The following PLAGL1 variants were observed in gnomAD, a reference collection of about 807,000 sequenced individuals.
PLAGL1 encodes zinc finger protein PLAGL1.
A neutral mutation model predicts 4.6 loss-of-function variants in PLAGL1; 1 was observed. The ratio of observed to expected loss-of-function variants is 0.22; its 90% CI spans 0.08 to 1.03. PLAGL1 has a LOEUF of 1.03. Among genes scored for constraint, PLAGL1 ranks in the 50% least tolerant of loss-of-function variants. The probability of loss-of-function intolerance (pLI) is 0.58; values close to 1 mark genes in which losing one functional copy is unlikely to be tolerated. For synonymous variants in PLAGL1, 240 were observed against 237.8 expected (o/e 1.01, Z -0.08); for missense variants, 464 against 570.4 (o/e 0.81, Z 1.90).
Position 144,063,445 on chromosome 6 carries a change from C to T in PLAGL1, c.-151+1023G>A, listed in dbSNP as rs569183628. Among the ~76,000 whole-genome samples, 2 of 152,304 alleles carry T rather than the reference C, an allele frequency of 1.3e-5. No homozygotes were observed. The highest frequency in any genetic ancestry group is 4.8e-5 in the African/African-American group (2 of 41,570). On this transcript the variant is annotated intron_variant, in intron 1 of 3. Transcript: ENST00000437412. The surrounding 1 kb of genome is among the most constrained non-coding windows in gnomAD (Gnocchi z 5.7). ...TATCCCCTCACGTGATTCAGGACAT[C>T]TGGGGTGGGCCCAATAGGTGTGTTC...
intron 1 of PLAGL1, among the ~76,000 whole-genome samples, chr6:144,043,646 G>T (rs1482277066): frequency 1.3e-4 from 20 of 151,478 alleles, no homozygotes; most frequent in Middle Eastern, 3.4e-3. Flanking sequence ...CTTTTTTTTT[G>T]TTGTGTCTCT....
chr6:144,039,669 TA>T lies in PLAGL1; in HGVS notation c.-151+24798del, dbSNP rs1184244792. ...GACAAGGAGAGATTTACACTTCTGA[TA>T]GGGGTATTAAATAGCACAACCACTT... On this transcript the variant is annotated intron_variant, in intron 1 of 3. Coordinates refer to the PLAGL1 transcript ENST00000437412. This position sits in a 1 kb window ranked among gnomAD's most constrained non-coding sequence, Gnocchi z 4.1. Among the ~76,000 whole-genome samples the T allele has an allele frequency of 6.6e-6, 1 of 152,152 alleles. No homozygotes were observed. Among genetic ancestry groups the T allele is most frequent in the Non-Finnish European group, 1.5e-5 (1 of 68,008 alleles).
chr6:143,987,437 C>CTGTTTT (rs556596504), intron 1 of PLAGL1, among the ~76,000 whole-genome samples: 28 of 73,952 alleles, frequency 3.8e-4, no homozygotes, highest in South Asian at 3.4e-3. Flanking sequence ...ACCACACTGG[C>CTGTTTT]TTTTTTTTTT....
Position 143,997,575 on chromosome 6 carries a change from G to A in PLAGL1, c.-584+10515C>T, listed in dbSNP as rs1005130048. On this transcript the variant is annotated intron_variant, in intron 1 of 7. Coordinates refer to ENST00000674357, the MANE Select transcript of PLAGL1 (RefSeq NM_001317162.2). The surrounding 1 kb of genome is among the most constrained non-coding windows in gnomAD (Gnocchi z 4.6). ...AATTCAAGAATAGACAAAACAGGGA[G>A]GCTCAGGTGGGAGGATCGCTTGAGC... Among the ~76,000 whole-genome samples, 1 of 152,172 alleles carries A rather than the reference G, an allele frequency of 6.6e-6. No homozygotes were observed. The highest frequency in any genetic ancestry group is 6.5e-5 in the Admixed American group (1 of 15,276).
intron 2 of PLAGL1, among the ~76,000 whole-genome samples, chr6:143,976,285 C>CTT (rs58569870): frequency 0.15 from 17,056 of 112,992 alleles, 1,699 homozygotes; most frequent in East Asian, 0.29. Flanking sequence ...GATTTCTTTT[C>CTT]TTTTTTTTTT....
At chr6:143,946,721 A>G (rs1176737162) in intron 7 of PLAGL1, among the ~76,000 whole-genome samples, 1 of 152,246 alleles carries the variant, frequency 6.6e-6, no homozygotes, top group Non-Finnish European at 1.5e-5. Context: ...CAGATGGAAA[A>G]TCTCACTTGC....
At chr6:144,018,915 T>C (rs909918560) in intron 1 of PLAGL1, among the ~76,000 whole-genome samples, 1 of 152,148 alleles carries the variant, frequency 6.6e-6, no homozygotes, top group African/African-American at 2.4e-5. Flanking sequence ...ATGCCTGTAA[T>C]GCCAGCAACT....
In PLAGL1 at chr6:143,961,652, C is replaced by T. The variant is rs1783402834; in HGVS notation, c.-398-1110G>A. 6.6e-6 allele frequency among the ~76,000 whole-genome samples: 1 copy of T among 152,186 alleles called. No individual in the cohort carries two copies. Among genetic ancestry groups the T allele is most frequent in the South Asian group, 2.1e-4 (1 of 4,830 alleles). ...CTTGTATAAACACTTTACAAATCAT[C>T]TTTATGGTCCATCTCTTTCCTCAAA... On this transcript the variant is annotated intron_variant, in intron 5 of 7. Transcript: ENST00000674357. This position sits in a 1 kb window ranked among gnomAD's most constrained non-coding sequence, Gnocchi z 6.5.
chr6:144,011,046 G>A (rs1412343160), upstream of PLAGL1, among the ~76,000 whole-genome samples: 1 of 152,050 alleles, frequency 6.6e-6, no homozygotes, highest in African/African-American at 2.4e-5. The surrounding 1 kb of genome is among the most constrained non-coding windows in gnomAD (Gnocchi z 4.3). Flanking sequence ...CATAGGCATG[G>A]GCAGAGTTCA....
At position 144,014,079 on chromosome 6, in the gene PLAGL1, A is replaced by G. The variant is rs74946272; in HGVS notation, c.-150-45101T>C. ...AAAATAATCTTAAAAAGAAAAACAA[A>G]GTTGGAAGGCTTATGCTATCTGATT... On this transcript the variant is annotated intron_variant, in intron 1 of 3. Coordinates refer to the PLAGL1 transcript ENST00000437412. 2.0e-3 allele frequency among the ~76,000 whole-genome samples: 298 copies of G among 152,282 alleles called. 3 individuals are homozygous for G. Among genetic ancestry groups the G allele is most frequent in the East Asian group, 0.015 (77 of 5,182 alleles).
chr6:144,064,488 C>G lies in PLAGL1; in HGVS notation c.-171G>C, dbSNP rs1799684496. 1 of 152,380 alleles carries G rather than the reference C, an allele frequency of 6.6e-6. No individual in the cohort carries two copies. The highest frequency in any genetic ancestry group is 1.5e-5 in the Non-Finnish European group (1 of 68,226). The allele number at this position is 152,380 out of a possible 1,614,324, so 9.4% of individuals were successfully genotyped here. ...CCTACCCGCCGCCAAGTTTCCCCCGCTTGGAAAGTTCTGGAGTCCGGAGCC... is the reference window on the plus strand; with the variant it reads ...CCTACCCGCCGCCAAGTTTCCCCCGGTTGGAAAGTTCTGGAGTCCGGAGCC... On this transcript the variant is annotated 5_prime_UTR_variant, in exon 1 of 4. Coordinates refer to the PLAGL1 transcript ENST00000437412. This position sits in a 1 kb window ranked among gnomAD's most constrained non-coding sequence, Gnocchi z 6.8.
intron 1 of PLAGL1, among the ~76,000 whole-genome samples, chr6:144,057,996 T>G (rs1371142430): frequency 6.6e-6 from 1 of 152,216 alleles, no homozygotes; most frequent in East Asian, 1.9e-4. Context: ...ATACTAAAGC[T>G]AAAATTGGTG....
Position 144,036,842 on chromosome 6 carries a change from TA to T in PLAGL1, c.-151+27625del. 1 of 309,302 alleles carries T rather than the reference TA, an allele frequency of 3.2e-6. No homozygotes were observed. The allele number at this position is 309,302 out of a possible 1,614,324, so 19.2% of individuals were successfully genotyped here. On this transcript the variant is annotated intron_variant, in intron 1 of 3. Transcript: ENST00000437412. This position sits in a 1 kb window ranked among gnomAD's most constrained non-coding sequence, Gnocchi z 5.1. Reference sequence around the variant, plus strand: ...TAAACAGGTTTGAAATACTCTGGCATAAAATGAAGGCCATCCCCTAATGGTT... The same window carrying T: ...TAAACAGGTTTGAAATACTCTGGCATAAATGAAGGCCATCCCCTAATGGTT...
Position 144,027,266 on chromosome 6 carries a change from A to T in PLAGL1, c.-151+37202T>A, listed in dbSNP as rs182177571. ...AAGAAAGAAAGAAAGAAAGAAAGAA[A>T]GAAAGAAAGAAAGAAAGAAAGAAAG... On this transcript the variant is annotated intron_variant, in intron 1 of 3. Coordinates refer to the PLAGL1 transcript ENST00000437412. This position sits in a 1 kb window ranked among gnomAD's most constrained non-coding sequence, Gnocchi z 5.8. Among the ~76,000 whole-genome samples, 2 of 146,994 alleles carry T rather than the reference A, an allele frequency of 1.4e-5. No individual in the cohort carries two copies. Among genetic ancestry groups the T allele is most frequent in the East Asian group, 3.9e-4 (2 of 5,160 alleles).
rs1369538929 is a variant in PLAGL1 at position 143,963,672 on chromosome 6, C to A, written c.-399+1115G>T. ...GTCAACCTCTTCCCATGTCACTTCC[C>A]AGCCTCTCCAAACTTAGAAGCTCTG... On this transcript the variant is annotated intron_variant, in intron 5 of 7. Coordinates refer to ENST00000674357, the MANE Select transcript of PLAGL1 (RefSeq NM_001317162.2). The surrounding 1 kb of genome is among the most constrained non-coding windows in gnomAD (Gnocchi z 6.1). Among the ~76,000 whole-genome samples the A allele has an allele frequency of 1.3e-5, 2 of 152,172 alleles. No individual in the cohort carries two copies. The highest frequency in any genetic ancestry group is 4.8e-5 in the African/African-American group (2 of 41,446).
chr6:143,996,259 T>C (rs1453973329), intron 1 of PLAGL1, among the ~76,000 whole-genome samples: 2 of 152,202 alleles, frequency 1.3e-5, no homozygotes, highest in Non-Finnish European at 1.5e-5. Flanking sequence ...GGGAGAATCC[T>C]ATCACAGAGC....
rs181229371 is a variant in PLAGL1, at chr6:144,060,554, C to T, written c.-151+3914G>A. ...TTGGAAGACATGAAAGTAGGGGCCA[C>T]GTGCATCTAAAACTAGAAAGGTGGT... On this transcript the variant is annotated intron_variant, in intron 1 of 3. Transcript: ENST00000437412. Among the ~76,000 whole-genome samples, 10 of 152,278 alleles carry T rather than the reference C, an allele frequency of 6.6e-5. No homozygotes were observed. The South Asian group carries it at 8.3e-4, about 13-fold the overall frequency.
Position 144,005,517 on chromosome 6 carries a change from T to C in PLAGL1, c.-584+2573A>G, listed in dbSNP as rs1490440225. The C allele has an allele frequency of 6.6e-6, 1 of 152,116 alleles. No homozygotes were observed. Among genetic ancestry groups the C allele is most frequent in the Non-Finnish European group, 1.5e-5 (1 of 67,998 alleles). 9.4% of individuals were successfully genotyped at this position (152,116 alleles called of 1,614,324 possible). The stretch of plus-strand genomic sequence containing the variant: ...TTAAGCTTGATCTCATAACATAAAA[T>C]ATATACATCTCAATATATACATGTC... On this transcript the variant is annotated intron_variant, in intron 1 of 7. Coordinates refer to ENST00000674357, the MANE Select transcript of PLAGL1 (RefSeq NM_001317162.2). The surrounding 1 kb of genome is among the most constrained non-coding windows in gnomAD (Gnocchi z 4.6).
chr6:144,049,348 T>C (rs1798414218), intron 1 of PLAGL1, among the ~76,000 whole-genome samples: 1 of 152,250 alleles, frequency 6.6e-6, no homozygotes, highest in Non-Finnish European at 1.5e-5. Flanking sequence ...CATTTTTAAG[T>C]ATCTTTATAG....
Sources: allele counts gnomAD v4.1 joint callset (sites outside exome capture counted in the v4.1 genomes callset), GRCh38; gene constraint gnomAD v4.1.1; non-coding constraint Gnocchi (gnomAD v3.1); transcripts MANE v1.5; gene names NCBI Gene and HGNC (gene_info 2026-07-23, HGNC 2026-07-21).